Variants in LDB2 observed in about 807,000 individuals in gnomAD.
LDB2 encodes LIM domain-binding protein 2.
Under a neutral mutation model 44.3 loss-of-function variants are expected in LDB2, and 12 were observed. The observed-to-expected ratio is 0.27, with a 90% CI of 0.17 to 0.44. LDB2 has a LOEUF of 0.44. Ranked by LOEUF, LDB2 falls within the 20% of genes least tolerant of loss-of-function variation. The pLI is 1.00. For synonymous variants in LDB2, 164 were observed against 174.8 expected, an observed-to-expected ratio of 0.94 and a Z score of 0.49; for missense variants, 344 against 473.5, an observed-to-expected ratio of 0.73 and a Z score of 2.54.
chr4:16,817,045 G>C (rs1185301944), intron 1 of LDB2, among the ~76,000 whole-genome samples: 1 of 152,066 alleles, frequency 6.6e-6, no homozygotes, highest in African/African-American at 2.4e-5. Flanking sequence ...AGCTCTTTGT[G>C]GGGGGAACAG....
At chr4:16,671,991 C>T (rs1744897987) in intron 2 of LDB2, among the ~76,000 whole-genome samples, 1 of 152,220 alleles carries the variant, frequency 6.6e-6, no homozygotes, top group African/African-American at 2.4e-5. Flanking sequence ...TCCAGAGCTG[C>T]CTCCTGGCTC....
chr4:16,865,539 A>G (rs2110299907), intron 1 of LDB2, among the ~76,000 whole-genome samples: 1 of 152,286 alleles, frequency 6.6e-6, no homozygotes, highest in East Asian at 1.9e-4. Flanking sequence ...AGGATGCCCC[A>G]GCCTCCAAGA....
At chr4:16,654,955 C>G (rs13110156) in intron 2 of LDB2, among the ~76,000 whole-genome samples, 17,722 of 151,990 alleles carry the variant, frequency 0.12, 1,409 homozygotes, top group Middle Eastern at 0.22. Context: ...CTAATGTCCA[C>G]GAAACCATTG....
At chr4:16,554,810 G>C (rs58963058) in intron 5 of LDB2, among the ~76,000 whole-genome samples, 1,669 of 152,290 alleles carry the variant, frequency 0.011, 35 homozygotes, top group African/African-American at 0.038. Context: ...TTTTAGGGCA[G>C]TGAAATTGCT....
In LDB2 at chr4:16,542,106, G is replaced by GT. The variant is rs201942796; in HGVS notation, c.616-30003_616-30002insA. ...CTTCCAATTACATCAGGTGGTGGGGGGGGGGGCGCGAGCAGGAGGGCATAA... is the reference window on the plus strand; with the variant it reads ...CTTCCAATTACATCAGGTGGTGGGGGTGGGGGGCGCGAGCAGGAGGGCATAA... On this transcript the variant is annotated intron_variant, in intron 5 of 7. Transcript: ENST00000304523. 0.01 allele frequency among the ~76,000 whole-genome samples: 1,538 copies of GT among 147,574 alleles called. 195 individuals carry two copies. In the East Asian group the frequency reaches 0.25, roughly 24 times the overall value.
chr4:16,752,402 C>T, intron 2 of LDB2: 1 of 452,982 alleles, frequency 2.2e-6, no homozygotes, highest in Non-Finnish European at 4.4e-6. Context: ...GTTTGTTTAA[C>T]TCACCATTTT....
At chr4:16,526,636 G>A (rs1321602318) in intron 5 of LDB2, among the ~76,000 whole-genome samples, 1 of 152,232 alleles carries the variant, frequency 6.6e-6, no homozygotes, top group African/African-American at 2.4e-5. Flanking sequence ...GATTCAGAAG[G>A]TAGAATCAGA....
intron 7 of LDB2, among the ~76,000 whole-genome samples, chr4:16,504,012 A>G (rs570984692): frequency 2.5e-4 from 38 of 152,290 alleles, no homozygotes; most frequent in Admixed American, 2.1e-3. Context: ...GCTCTGAGCA[A>G]TACTCCACTT....
At position 16,512,122 on chromosome 4, in the gene LDB2, A is replaced by G. The variant is rs767750811; in HGVS notation, c.616-18T>C. On this transcript the variant is annotated intron_variant, in intron 5 of 7. Coordinates refer to ENST00000304523, the MANE Select transcript of LDB2 (RefSeq NM_001290.5). Reference sequence around the variant, plus strand: ...ACACACAACTGCAAGAAGTTCAAAGACATTGGCATTTCACTACTTCATAAC... The same window carrying G: ...ACACACAACTGCAAGAAGTTCAAAGGCATTGGCATTTCACTACTTCATAAC... 27 of 1,589,550 alleles carry G rather than the reference A, an allele frequency of 1.7e-5. No homozygotes were observed. Among genetic ancestry groups the G allele is most frequent in the Admixed American group, 3.5e-5 (2 of 57,506 alleles).
intron 2 of LDB2, among the ~76,000 whole-genome samples, chr4:16,733,728 G>A (rs950733351): frequency 6.6e-6 from 1 of 152,146 alleles, no homozygotes; most frequent in Non-Finnish European, 1.5e-5. Context: ...CTTGTGATAC[G>A]GCAGGGATGT....
At chr4:16,758,944 G>T (rs533600477) in intron 2 of LDB2, among the ~76,000 whole-genome samples, 2 of 152,162 alleles carry the variant, frequency 1.3e-5, no homozygotes, top group East Asian at 3.9e-4. Context: ...CTCTAAACAG[G>T]CAAATACCCA....
intron 1 of LDB2, among the ~76,000 whole-genome samples, chr4:16,807,880 G>A (rs1184157009): frequency 6.6e-6 from 1 of 152,160 alleles, no homozygotes; most frequent in East Asian, 1.9e-4. Context: ...AAAAACTAAA[G>A]AGTACTTAGG....
In LDB2 at chr4:16,511,691, G is replaced by A. The variant is rs143702715; in HGVS notation, c.739+290C>T. On this transcript the variant is annotated intron_variant, in intron 6 of 7. Coordinates refer to ENST00000304523, the MANE Select transcript of LDB2 (RefSeq NM_001290.5). ...CTAGATTAGAAGACAGGAACCCCTG[G>A]CTCTGATCTCAGCTTTGCCAATGAC... is the stretch of plus-strand genomic sequence containing the variant. 6.6e-5 allele frequency among the ~76,000 whole-genome samples: 10 copies of A among 152,220 alleles called. No individual in the cohort carries two copies. In the East Asian group the frequency reaches 1.7e-3, roughly 26 times the overall value.
chr4:16,674,296 T>C (rs1256520956), intron 2 of LDB2: 2 of 1,286,188 alleles, frequency 1.6e-6, no homozygotes, highest in South Asian at 1.2e-5. Context: ...CAGTTTCCTC[T>C]GGCATCTGCC....
intron 1 of LDB2, among the ~76,000 whole-genome samples, chr4:16,766,017 G>A (rs1174696940): frequency 6.6e-6 from 1 of 152,154 alleles, no homozygotes; most frequent in Non-Finnish European, 1.5e-5. Context: ...GAGAACAAAA[G>A]AGAATATGAT....
chr4:16,630,348 G>A (rs890785087), intron 2 of LDB2, among the ~76,000 whole-genome samples: 2 of 152,162 alleles, frequency 1.3e-5, no homozygotes, highest in African/African-American at 4.8e-5. Flanking sequence ...AGCTTCATAA[G>A]TGAAAGAGAA....
At chr4:16,628,709 G>C (rs1731007487) in intron 2 of LDB2, among the ~76,000 whole-genome samples, 2 of 152,062 alleles carry the variant, frequency 1.3e-5, no homozygotes, top group Non-Finnish European at 2.9e-5. Context: ...GGTGATTTCT[G>C]CATTTCCAAC....
chr4:16,834,671 A>T (rs1032610512), intron 1 of LDB2, among the ~76,000 whole-genome samples: 5 of 152,104 alleles, frequency 3.3e-5, no homozygotes, highest in Non-Finnish European at 7.4e-5. Flanking sequence ...TACTAAAAAG[A>T]CAAAAATTAG....
At chr4:16,894,698 C>T (rs893229644) in intron 1 of LDB2, among the ~76,000 whole-genome samples, 1 of 151,982 alleles carries the variant, frequency 6.6e-6, no homozygotes, top group Admixed American at 6.6e-5. Flanking sequence ...TACCAGGCCC[C>T]AAAAAACTTC....
Sources: gnomAD v4.1 joint callset for allele counts (sites outside exome capture counted in the v4.1 genomes callset) on GRCh38, gnomAD v4.1.1 for gene constraint, MANE v1.5 for transcripts, NCBI Gene and HGNC (gene_info 2026-07-23, HGNC 2026-07-21) for gene names.